The following ARSL variants were observed in gnomAD, a reference collection of about 807,000 sequenced individuals.
The protein encoded by ARSL is arylsulfatase L, also known as arylsulfatase E (chondrodysplasia punctata 1).
In ARSL, 4 loss-of-function variants were observed where a neutral mutation model predicts 31.1. The ratio of observed to expected loss-of-function variants is 0.13; its 90% CI spans 0.06 to 0.29. ARSL has a LOEUF of 0.29. Ranked by LOEUF, ARSL falls within the 10% of genes least tolerant of loss-of-function variation. ARSL has a pLI of 1.00. For missense variants in ARSL, 312 were observed against 497.8 expected, an observed-to-expected ratio of 0.63 and a Z score of 3.55; for synonymous variants, 198 against 209.9, an observed-to-expected ratio of 0.94 and a Z score of 0.49.
upstream of ARSL, among the ~76,000 whole-genome samples, chrX:2,967,698 C>G (rs2089709355): frequency 8.9e-6 from 1 of 112,508 alleles, no homozygotes; most frequent in African/African-American, 3.2e-5. Context: ...GACAATATAG[C>G]CTTTGATTCT....
At chrX:2,948,213 A>G (rs1360781438) in intron 6 of ARSL, among the ~76,000 whole-genome samples, 2 of 112,055 alleles carry the variant, frequency 1.8e-5, no homozygotes, top group African/African-American at 6.5e-5. Context: ...TGGTGTTACC[A>G]TCTTTACTAG....
chrX:2,949,539 C>A lies in ARSL; in HGVS notation c.619G>T (p.Val207Phe). The A allele has an allele frequency of 6.6e-6, 8 of 1,211,179 alleles. No individual in the cohort carries two copies. The highest frequency in any genetic ancestry group is 5.6e-6 in the Non-Finnish European group (5 of 895,425). ...LNFLFQVLAL[V>F]ALTLVAGKLT... ...TTCCCTGCTACCAGTGTGAGGGCAA[C>A]CAAGGCCAGGACTTGGAAGAGGAAG... The change falls in exon 6 of 11, where the codon GTT becomes TTT. Residue 207 changes from valine (V) to phenylalanine (F), a missense_variant. Val to Phe is a conservative substitution (Grantham distance 50). Transcript: ENST00000381134.
chrX:2,965,510 A>G (rs2089691013), upstream of ARSL, among the ~76,000 whole-genome samples: 1 of 108,516 alleles, frequency 9.2e-6, no homozygotes, highest in Non-Finnish European at 1.9e-5. Context: ...CAAAAATTAT[A>G]GTAATAATAA....
intron 5 of ARSL, 32 bp downstream of exon 5, chrX:2,953,111 C>A: frequency 8.3e-7 from 1 of 1,199,944 alleles, no homozygotes; most frequent in South Asian, 1.8e-5. Flanking sequence ...ATATAAAAGT[C>A]ATGTGCTTAC....
intron 9 of ARSL, among the ~76,000 whole-genome samples, chrX:2,937,211 T>C (rs1314951414): frequency 1.8e-5 from 2 of 110,689 alleles, no homozygotes; most frequent in African/African-American, 6.6e-5. Flanking sequence ...CTGGCCAACA[T>C]GGTGAAACCC....
intron 7 of ARSL, among the ~76,000 whole-genome samples, chrX:2,944,347 C>T (rs11797823): frequency 1.9e-5 from 2 of 105,952 alleles, no homozygotes; most frequent in African/African-American, 6.9e-5. Context: ...CCAGCTACTC[C>T]GGAGGCTGAG....
Position 2,935,183 on chromosome X carries a change from T to C in ARSL, c.1419A>G (p.Thr473=), listed in dbSNP as rs755373707. 61 of 1,208,215 alleles carry C rather than the reference T, an allele frequency of 5.0e-5. No individual in the cohort carries two copies. Among genetic ancestry groups the C allele is most frequent in the Non-Finnish European group, 6.7e-5 (60 of 893,826 alleles). The change falls in exon 11 of 11, where the codon ACA becomes ACG. Residue 473 remains threonine (T), a synonymous_variant. Transcript: ENST00000381134. ...GCGTCACAAAGTGGACTTTCCACAT[T>C]GTTCCTCCTGGTGGAAAGATAATCA... ...AARWHQRDRG[T]MWKVHFVTPV... is the part of the protein sequence containing the mutation.
chrX:2,963,121 A>G (rs781511817), intron 1 of ARSL, among the ~76,000 whole-genome samples: 32 of 112,380 alleles, frequency 2.8e-4, no homozygotes, highest in Non-Finnish European at 4.3e-4. Flanking sequence ...GAAGGAAGGG[A>G]TAAGGTGTAC....
At chrX:2,938,061 C>T (rs1262380101) in intron 9 of ARSL, 34 bp downstream of exon 9, 1 of 1,210,812 alleles carries the variant, frequency 8.3e-7, no homozygotes. Context: ...TGTGTCTGTG[C>T]AAAGCTGAAT....
At chrX:2,951,158 A>T (rs1386584255) in intron 5 of ARSL, among the ~76,000 whole-genome samples, 1 of 111,843 alleles carries the variant, frequency 8.9e-6, no homozygotes, top group African/African-American at 3.2e-5. Flanking sequence ...ACCATTATTT[A>T]GTCTATTGCA....
At chrX:2,966,181 G>C (rs1275846510), upstream of ARSL, among the ~76,000 whole-genome samples, 3 of 111,563 alleles carry the variant, frequency 2.7e-5, no homozygotes. Flanking sequence ...TCTGGGATGA[G>C]GAGCTGACAC....
At chrX:2,967,903 T>C (rs2089710799), upstream of ARSL, among the ~76,000 whole-genome samples, 1 of 112,153 alleles carries the variant, frequency 8.9e-6, no homozygotes, top group South Asian at 3.7e-4. Context: ...ATGCAATGTC[T>C]CCCATTTGGT....
At chrX:2,962,669 C>T (rs921753999) in intron 1 of ARSL, among the ~76,000 whole-genome samples, 2 of 111,503 alleles carry the variant, frequency 1.8e-5, no homozygotes, top group Non-Finnish European at 3.8e-5. Context: ...TTGCTCCTAG[C>T]AGGATTCAGG....
chrX:2,966,484 A>G (rs142628464), upstream of ARSL, among the ~76,000 whole-genome samples: 7,562 of 107,790 alleles, frequency 0.07, 668 homozygotes, highest in African/African-American at 0.24. Context: ...CACATAAAAT[A>G]TGTAAATAAG....
At chrX:2,950,760 T>TA (rs995278297) in intron 5 of ARSL, among the ~76,000 whole-genome samples, 6 of 111,882 alleles carry the variant, frequency 5.4e-5, no homozygotes, top group African/African-American at 1.9e-4. Context: ...ATGTCTTTAT[T>TA]AGCAGCGTGA....
chrX:2,954,030 A>G (rs185875570), intron 4 of ARSL, among the ~76,000 whole-genome samples: 3 of 111,559 alleles, frequency 2.7e-5, no homozygotes, highest in African/African-American at 9.8e-5. Context: ...ACTAAAAATG[A>G]TTTTATAATT....
intron 3 of ARSL, among the ~76,000 whole-genome samples, chrX:2,956,100 G>A (rs2089520592): frequency 8.9e-6 from 1 of 111,914 alleles, no homozygotes; most frequent in African/African-American, 3.3e-5. Context: ...TTGGTACTGA[G>A]AGACCGACCT....
chrX:2,960,130 G>A lies in ARSL; in HGVS notation c.23+248C>T, dbSNP rs750163937. 0.02 allele frequency among the ~76,000 whole-genome samples: 1,591 copies of A among 79,460 alleles called. 36 individuals carry two copies. Among genetic ancestry groups the A allele is most frequent in the African/African-American group, 0.046 (1,058 of 23,180 alleles). The allele number at this position is 79,460 out of a possible 115,157, so 69.0% of individuals were successfully genotyped here. On this transcript the variant is annotated intron_variant, in intron 2 of 10. Transcript: ENST00000381134. Reference sequence around the variant, plus strand: ...TAAAAATACAAAAAATTAGCCGGGCGTGGTGGCAGGCGCCTGTAGTCCCAG... The same window carrying A: ...TAAAAATACAAAAAATTAGCCGGGCATGGTGGCAGGCGCCTGTAGTCCCAG...
At chrX:2,936,962 C>T in intron 9 of ARSL, 99 bp from the exon 10 acceptor site, 7 of 1,098,726 alleles carry the variant, frequency 6.4e-6, no homozygotes, top group Non-Finnish European at 8.7e-6. Flanking sequence ...GGTGCACTCT[C>T]CTTATGTTGT....
Sources: allele counts gnomAD v4.1 joint callset (sites outside exome capture counted in the v4.1 genomes callset), GRCh38; gene constraint gnomAD v4.1.1; transcripts MANE v1.5; gene names NCBI Gene and HGNC (gene_info 2026-07-23, HGNC 2026-07-21).